VAV2: variants seen among roughly 807,000 people sequenced by gnomAD.
The protein encoded by VAV2 is guanine nucleotide exchange factor VAV2.
Under a neutral mutation model 132.5 loss-of-function variants are expected in VAV2, and 67 were observed. That is an observed-to-expected ratio of 0.51 (90% CI 0.42 to 0.62). The LOEUF (loss-of-function observed/expected upper bound fraction) is 0.62, where lower values mean the gene tolerates loss of function less well. Ranked by LOEUF, VAV2 falls within the 20% of genes least tolerant of loss-of-function variation. The probability of loss-of-function intolerance (pLI) is 0.00; values close to 1 mark genes in which losing one functional copy is unlikely to be tolerated. For synonymous variants in VAV2, 492 were observed against 443.5 expected (o/e 1.11, Z -1.37); for missense variants, 938 against 1,153.6 (o/e 0.81, Z 2.71).
intron 17 of VAV2, among the ~76,000 whole-genome samples, chr9:133,785,179 C>G (rs1263348913): frequency 6.6e-6 from 1 of 152,160 alleles, no homozygotes; most frequent in East Asian, 1.9e-4. Flanking sequence ...TCCATTTCAC[C>G]AGAAGAAACG....
At chr9:133,870,884 G>A (rs764187923) in intron 2 of VAV2, among the ~76,000 whole-genome samples, 1 of 134,420 alleles carries the variant, frequency 7.4e-6, no homozygotes, top group Non-Finnish European at 1.6e-5. Flanking sequence ...GTGGGTGGAT[G>A]GATATGGGTG....
intron 2 of VAV2, among the ~76,000 whole-genome samples, chr9:133,933,954 G>A (rs1472008327): frequency 7.1e-6 from 1 of 141,138 alleles, no homozygotes; most frequent in Non-Finnish European, 1.5e-5. Flanking sequence ...GATGGATGGT[G>A]GATGGATGGA....
At chr9:133,855,616 G>T (rs937118647) in intron 3 of VAV2, among the ~76,000 whole-genome samples, 1 of 152,180 alleles carries the variant, frequency 6.6e-6, no homozygotes, top group Non-Finnish European at 1.5e-5. Context: ...CCAGTGCTCC[G>T]GGATAAAGCC....
chr9:133,784,037 C>T lies in VAV2; in HGVS notation c.1634+280G>A, dbSNP rs375240516. ...CTGGGGCCACAGGAGCAGGCCAACA[C>T]GCCTGGCTGACTTTGGTATTTTTTG... On this transcript the variant is annotated intron_variant, in intron 18 of 29. Transcript: ENST00000371850. Among the ~76,000 whole-genome samples the T allele has an allele frequency of 1.7e-4, 26 of 152,272 alleles. No homozygotes were observed. In the East Asian group the frequency reaches 2.9e-3, roughly 17 times the overall value.
chr9:133,839,175 G>T (rs928785844), intron 3 of VAV2, among the ~76,000 whole-genome samples: 8 of 152,164 alleles, frequency 5.3e-5, no homozygotes, highest in African/African-American at 1.9e-4. Flanking sequence ...TAGATGGGTG[G>T]GTGGGTAAGT....
chr9:133,837,429 C>T (rs746114091), intron 3 of VAV2, among the ~76,000 whole-genome samples: 3 of 152,154 alleles, frequency 2.0e-5, no homozygotes, highest in Non-Finnish European at 2.9e-5. Context: ...GGCGCGGTGG[C>T]TCACACCTGT....
intron 2 of VAV2, among the ~76,000 whole-genome samples, chr9:133,900,181 AG>A (rs375504574): frequency 4.0e-5 from 6 of 151,894 alleles, no homozygotes; most frequent in Admixed American, 1.3e-4. Context: ...CCTGGGTGAC[AG>A]AGTAAGACCC....
At chr9:133,772,094 C>T in intron 25 of VAV2, 48 bp from the exon 26 acceptor site, 1 of 1,519,520 alleles carries the variant, frequency 6.6e-7, no homozygotes, top group South Asian at 1.1e-5. Context: ...GGCCACACGG[C>T]CCCGGCCCCC....
intron 7 of VAV2, among the ~76,000 whole-genome samples, chr9:133,808,506 C>T (rs769371943): frequency 6.6e-5 from 10 of 152,146 alleles, no homozygotes; most frequent in Non-Finnish European, 1.3e-4. Flanking sequence ...TGATCCTCAG[C>T]ACTCTAGGAG....
intron 1 of VAV2, among the ~76,000 whole-genome samples, chr9:133,943,052 A>T (rs912485914): frequency 2.6e-5 from 4 of 152,218 alleles, no homozygotes; most frequent in Admixed American, 2.6e-4. Flanking sequence ...AGAGTTAAGG[A>T]CGTGGGCACC....
rs1053535064 is a variant in VAV2 at position 133,877,180 on chromosome 9, G to A, written c.322-15748C>T. ...CCTTCTGCCACCTTCCTCTGGCCTC[G>A]GGATGCCCTGGCTGTACGAGGAGAG... On this transcript the variant is annotated intron_variant, in intron 2 of 29. Transcript: ENST00000371850. 6.6e-5 allele frequency among the ~76,000 whole-genome samples: 10 copies of A among 152,230 alleles called. No homozygotes were observed. In the East Asian group the frequency reaches 9.6e-4, roughly 15 times the overall value.
chr9:133,970,876 G>A (rs1000150723), intron 1 of VAV2, among the ~76,000 whole-genome samples: 2 of 152,224 alleles, frequency 1.3e-5, no homozygotes, highest in African/African-American at 2.4e-5. Context: ...GCTCTCCCTG[G>A]TTAACAGATG....
At chr9:133,856,253 G>A (rs1429353826) in intron 3 of VAV2, among the ~76,000 whole-genome samples, 1 of 152,222 alleles carries the variant, frequency 6.6e-6, no homozygotes, top group Non-Finnish European at 1.5e-5. Flanking sequence ...CCACTGAATT[G>A]CGTACTTTAC....
intron 1 of VAV2, among the ~76,000 whole-genome samples, chr9:133,975,928 T>C (rs1310823470): frequency 3.3e-5 from 5 of 152,018 alleles, no homozygotes; most frequent in Admixed American, 2.0e-4. Flanking sequence ...CCAGGCGCCA[T>C]GGCTCACACC....
rs766697391 is a variant in VAV2 at position 133,802,789 on chromosome 9, T to A, written c.836+3292A>T. Among the ~76,000 whole-genome samples, 3 of 152,176 alleles carry A rather than the reference T, an allele frequency of 2.0e-5. No homozygotes were observed. Among genetic ancestry groups the A allele is most frequent in the African/African-American group, 4.8e-5 (2 of 41,432 alleles). The stretch of plus-strand genomic sequence containing the variant: ...TCCACACAGCCCCAACCTCTCAAGA[T>A]GCCCAGGGACAGGCCAGCGTGGATT... On this transcript the variant is annotated intron_variant, in intron 9 of 29. Transcript: ENST00000371850. The surrounding 1 kb of genome is among the most constrained non-coding windows in gnomAD (Gnocchi z 5.8).
At chr9:133,853,356 C>T (rs189123067) in intron 3 of VAV2, among the ~76,000 whole-genome samples, 1 of 152,248 alleles carries the variant, frequency 6.6e-6, no homozygotes, top group East Asian at 1.9e-4. Context: ...TACAGAGCTG[C>T]CCCCAGGCTG....
rs1840879035 is a variant in VAV2 at position 133,935,613 on chromosome 9, C to A, written c.321+3490G>T. 6.6e-6 allele frequency among the ~76,000 whole-genome samples: 1 copy of A among 152,228 alleles called. No homozygotes were observed. Among genetic ancestry groups the A allele is most frequent in the African/African-American group, 2.4e-5 (1 of 41,460 alleles). The stretch of plus-strand genomic sequence containing the variant: ...TGTTTTGTTTTTCCAGAACACCTGT[C>A]CCGGAGAAGCCAGGAGGCGCTGGCA... On this transcript the variant is annotated intron_variant, in intron 2 of 29. Coordinates refer to ENST00000371850, the MANE Select transcript of VAV2 (RefSeq NM_001134398.2). The surrounding 1 kb of genome is among the most constrained non-coding windows in gnomAD (Gnocchi z 5.2).
rs1835893876 is a variant in VAV2 at position 133,824,081 on chromosome 9, C to G, written c.449+10191G>C. ...GGGGCCCACTGTGGTGCCAGAGTAC[C>G]AAGGGGCCCACAAGATGTCCGAGGG... On this transcript the variant is annotated intron_variant, in intron 4 of 29. Transcript: ENST00000371850. The surrounding 1 kb of genome is among the most constrained non-coding windows in gnomAD (Gnocchi z 5.2). Among the ~76,000 whole-genome samples the G allele has an allele frequency of 6.6e-6, 1 of 152,134 alleles. No individual in the cohort carries two copies. The highest frequency in any genetic ancestry group is 2.1e-4 in the South Asian group (1 of 4,822).
rs576667370 is a variant in VAV2 at position 133,857,001 on chromosome 9, C to A, written c.380+4373G>T. Among the ~76,000 whole-genome samples the A allele has an allele frequency of 6.6e-6, 1 of 152,328 alleles. No individual in the cohort carries two copies. The highest frequency in any genetic ancestry group is 2.4e-5 in the African/African-American group (1 of 41,572). ...ACAGACACAGAGCAACCCCGCGAGG[C>A]AGAGTCATGCTCCCAGCCTACAGAA... On this transcript the variant is annotated intron_variant, in intron 3 of 29. Coordinates refer to ENST00000371850, the MANE Select transcript of VAV2 (RefSeq NM_001134398.2). This position sits in a 1 kb window ranked among gnomAD's most constrained non-coding sequence, Gnocchi z 4.0.
Sources: gnomAD v4.1 joint callset for allele counts (sites outside exome capture counted in the v4.1 genomes callset) on GRCh38, gnomAD v4.1.1 for gene constraint, Gnocchi (gnomAD v3.1) non-coding constraint, MANE v1.5 for transcripts, NCBI Gene and HGNC (gene_info 2026-07-23, HGNC 2026-07-21) for gene names.